EFHC2: variants seen among roughly 807,000 people sequenced by gnomAD.
EFHC2 encodes the protein EF-hand domain containing 2.
Under a neutral mutation model 52.7 loss-of-function variants are expected in EFHC2, and 18 were observed. The observed-to-expected ratio is 0.34, with a 90% confidence interval of 0.24 to 0.51. The LOEUF (loss-of-function observed/expected upper bound fraction) is 0.51, where lower values mean the gene tolerates loss of function less well. Ranked by LOEUF, EFHC2 falls within the 20% of genes least tolerant of loss-of-function variation. The probability of loss-of-function intolerance (pLI) is 0.97; values close to 1 mark genes in which losing one functional copy is unlikely to be tolerated. For synonymous variants in EFHC2, 203 were observed against 204.1 expected (o/e 0.99, Z 0.04); for missense variants, 513 against 562.5 (o/e 0.91, Z 0.89).
intron 11 of EFHC2, among the ~76,000 whole-genome samples, chrX:44,229,386 C>A (rs1018458696): frequency 8.9e-6 from 1 of 111,792 alleles, no homozygotes; most frequent in Non-Finnish European, 1.9e-5. Context: ...GATCCTTCAA[C>A]CTCCTGATTC....
At chrX:44,309,334 TA>T in intron 2 of EFHC2, 1 of 757,123 alleles carries the variant, frequency 1.3e-6, no homozygotes, top group Non-Finnish European at 2.1e-6. Context: ...GCATTTAAGG[TA>T]AAAGAATTCT....
chrX:44,222,201 G>C (rs1160703480), intron 11 of EFHC2, among the ~76,000 whole-genome samples: 1 of 111,102 alleles, frequency 9.0e-6, no homozygotes, highest in East Asian at 2.8e-4. Context: ...AGTACCTACT[G>C]GGGTAGGTAT....
intron 3 of EFHC2, among the ~76,000 whole-genome samples, chrX:44,266,366 A>AT (rs1401566226): frequency 1.8e-5 from 2 of 108,919 alleles, no homozygotes; most frequent in African/African-American, 3.3e-5. Context: ...AATTTTTTTA[A>AT]TTTTTTTTCA....
intron 14 of EFHC2, among the ~76,000 whole-genome samples, chrX:44,157,770 C>A (rs2036619867): frequency 1.0e-5 from 1 of 100,477 alleles, no homozygotes; most frequent in East Asian, 3.1e-4. Flanking sequence ...TCCCTTAACC[C>A]TACCCACCCC....
chrX:44,199,585 T>C (rs769509077), intron 11 of EFHC2, among the ~76,000 whole-genome samples: 1 of 111,988 alleles, frequency 8.9e-6, no homozygotes, highest in East Asian at 2.8e-4. Context: ...CAGGTGAGTT[T>C]GAGAAAAAGT....
chrX:44,343,448 G>A lies in EFHC2; in HGVS notation c.42+99C>T. On this transcript the variant is annotated intron_variant, in intron 1 of 14. Coordinates refer to ENST00000420999, the MANE Select transcript of EFHC2 (RefSeq NM_025184.4). ...GCCACCAACCCAGGGCAGCAGCATGGGGCCTCCAGGAGAGTCTGCGGAGGT... is the reference window on the plus strand; with the variant it reads ...GCCACCAACCCAGGGCAGCAGCATGAGGCCTCCAGGAGAGTCTGCGGAGGT... 3 of 1,058,128 alleles carry A rather than the reference G, an allele frequency of 2.8e-6. No homozygotes were observed. In the South Asian group the frequency reaches 6.0e-5, roughly 21 times the overall value. The allele number at this position is 1,058,128 out of a possible 1,213,427, so 87.2% of individuals were successfully genotyped here.
intron 1 of EFHC2, among the ~76,000 whole-genome samples, chrX:44,339,721 A>G (rs2038140958): frequency 9.1e-6 from 1 of 110,319 alleles, no homozygotes; most frequent in African/African-American, 3.3e-5. Context: ...ACAGGAGGCC[A>G]AGGTTTTTCA....
chrX:44,310,488 G>A (rs758404944), intron 2 of EFHC2: 465 of 554,445 alleles, frequency 8.4e-4, no homozygotes, highest in Non-Finnish European at 1.1e-3. Flanking sequence ...GTGGTAGCGC[G>A]GCAAAGGAGA....
At chrX:44,178,129 T>TAACACACACACA (rs1556000435) in intron 12 of EFHC2, among the ~76,000 whole-genome samples, 13 of 83,953 alleles carry the variant, frequency 1.5e-4, no homozygotes, top group African/African-American at 5.6e-4. Flanking sequence ...AGATGCCATA[T>TAACACACACACA]CACACACACA....
rs1352285044 is a variant in EFHC2, at chrX:44,331,879, A to G, written c.42+11668T>C. ...GTCGAGGTTGTAGTGAACTATGATC[A>G]TGCCACTGCACTCCAGCCTGGGTGA... On this transcript the variant is annotated intron_variant, in intron 1 of 14. Transcript: ENST00000420999. Among the ~76,000 whole-genome samples, 3 of 110,909 alleles carry G rather than the reference A, an allele frequency of 2.7e-5. No homozygotes were observed. The Admixed American group carries it at 2.9e-4, about 11-fold the overall frequency.
chrX:44,245,208 G>A (rs776051457), intron 7 of EFHC2, among the ~76,000 whole-genome samples: 28 of 111,410 alleles, frequency 2.5e-4, no homozygotes, highest in African/African-American at 8.5e-4. Flanking sequence ...ATTCAGAGAT[G>A]GCCAGAAATG....
chrX:44,321,920 T>C (rs1212600898), intron 1 of EFHC2, among the ~76,000 whole-genome samples: 1 of 111,643 alleles, frequency 9.0e-6, no homozygotes, highest in Non-Finnish European at 1.9e-5. Flanking sequence ...AAGAAATAAA[T>C]AAAAGATCAT....
At position 44,337,508 on chromosome X, in the gene EFHC2, T is replaced by A. The variant is rs188273937; in HGVS notation, c.42+6039A>T. ...TTGCTTTAGGGTTGATAACCCTTTG[T>A]GAGAAAGGGAAAGAGTAGGTAAATA... On this transcript the variant is annotated intron_variant, in intron 1 of 14. Transcript: ENST00000420999. Among the ~76,000 whole-genome samples the A allele has an allele frequency of 6.4e-4, 72 of 111,662 alleles. 1 individual carries two copies. The highest frequency in any genetic ancestry group is 3.8e-5 in the Non-Finnish European group (2 of 53,060).
chrX:44,160,057 C>T (rs1192945052), intron 14 of EFHC2, among the ~76,000 whole-genome samples: 2 of 112,029 alleles, frequency 1.8e-5, no homozygotes, highest in African/African-American at 3.2e-5. Context: ...GTTAGTTGAT[C>T]GTAGAGCTAA....
At chrX:44,243,707 T>C (rs1408233771) in intron 7 of EFHC2, among the ~76,000 whole-genome samples, 2 of 112,124 alleles carry the variant, frequency 1.8e-5, no homozygotes, top group Non-Finnish European at 3.8e-5. Flanking sequence ...GACATGTTTA[T>C]AAAGGTGACT....
intron 11 of EFHC2, among the ~76,000 whole-genome samples, chrX:44,178,998 T>TGGGATG (rs1456951676): frequency 9.0e-6 from 1 of 110,765 alleles, no homozygotes; most frequent in Non-Finnish European, 1.9e-5. Flanking sequence ...AAAGGTGTTT[T>TGGGATG]GGGATGGGGA....
Position 44,164,917 on chromosome X carries a change from C to A in EFHC2, c.2043-890G>T, listed in dbSNP as rs141673448. Among the ~76,000 whole-genome samples, 96 of 111,666 alleles carry A rather than the reference C, an allele frequency of 8.6e-4. No homozygotes were observed. The East Asian group carries it at 0.026, about 30-fold the overall frequency. On this transcript the variant is annotated intron_variant, in intron 13 of 14. Transcript: ENST00000420999. ...ATATTAGATAAAATTCTTCCTTAAC[C>A]ATAATAGAGATTTGGCCATGAAGAT...
chrX:44,216,966 C>T (rs2037155176), intron 11 of EFHC2, among the ~76,000 whole-genome samples: 1 of 111,196 alleles, frequency 9.0e-6, no homozygotes, highest in South Asian at 3.8e-4. Context: ...TACAAACTAC[C>T]CATCTGACAA....
Position 44,148,544 on chromosome X carries a change from T to C in EFHC2, c.*251A>G. 3.6e-6 allele frequency: 1 copy of C among 277,871 alleles called. No homozygotes were observed. Among genetic ancestry groups the C allele is most frequent in the Non-Finnish European group, 6.2e-6 (1 of 161,367 alleles). 22.9% of individuals were successfully genotyped at this position (277,871 alleles called of 1,213,427 possible). On this transcript the variant is annotated 3_prime_UTR_variant, in exon 15 of 15. Transcript: ENST00000420999. ...AAATTATCAGAAGATTTTTTGGTAT[T>C]AATAAACCATACATATAATAAAAAT... is the stretch of plus-strand genomic sequence containing the variant.
Sources: gnomAD v4.1 joint callset for allele counts (sites outside exome capture counted in the v4.1 genomes callset) on GRCh38, gnomAD v4.1.1 for gene constraint, MANE v1.5 for transcripts, NCBI Gene and HGNC (gene_info 2026-07-23, HGNC 2026-07-21) for gene names.